The following FRMD1 variants were observed in gnomAD, a reference collection of about 807,000 sequenced individuals.
The protein encoded by FRMD1 is FERM domain containing 1, also known as FERM domain-containing protein 1.
In FRMD1, 51 loss-of-function variants were observed where a neutral mutation model predicts 54.9. The ratio of observed to expected loss-of-function variants is 0.93; its 90% CI spans 0.74 to 1.17. FRMD1 has a LOEUF of 1.17. FRMD1 is among the 50% of genes most tolerant of loss of function. FRMD1 has a pLI of 0.00. For missense variants in FRMD1, 729 were observed against 743.0 expected, an observed-to-expected ratio of 0.98 and a Z score of 0.22; for synonymous variants, 324 against 306.4, an observed-to-expected ratio of 1.06 and a Z score of -0.60.
chr6:168,076,561 G>T (rs537634479), intron 1 of FRMD1, among the ~76,000 whole-genome samples: 3 of 152,150 alleles, frequency 2.0e-5, no homozygotes, highest in Admixed American at 6.5e-5. Context: ...TTCCCCCTTC[G>T]CTGGGCACTC....
upstream of FRMD1, among the ~76,000 whole-genome samples, chr6:168,080,860 T>C (rs1800809682): frequency 1.3e-5 from 2 of 151,744 alleles, no homozygotes; most frequent in South Asian, 4.2e-4. Context: ...TGGGCGCTGG[T>C]GTGTGCGGGT....
chr6:168,061,856 G>A lies in FRMD1; in HGVS notation c.996C>T (p.Leu332=), dbSNP rs901072298. ...GCTGTTGCAGAGTGGGCCGCACGCGGAGGTGGAGCTGGTGGCTGGCGCGCA... is the reference window on the plus strand; with the variant it reads ...GCTGTTGCAGAGTGGGCCGCACGCGAAGGTGGAGCTGGTGGCTGGCGCGCA... The part of the protein sequence containing the change: ...HLLRASHQLH[L]RVRPTLQQLR... Residue 332 remains leucine (L), a synonymous_variant, in exon 8 of 11, where the codon CTC becomes CTT. Transcript: ENST00000283309. 2 of 1,579,450 alleles carry A rather than the reference G, an allele frequency of 1.3e-6. No individual in the cohort carries two copies. The highest frequency in any genetic ancestry group is 1.3e-5 in the African/African-American group (1 of 74,128).
chr6:168,077,156 C>T (rs1255751224), intron 1 of FRMD1, among the ~76,000 whole-genome samples: 1 of 152,042 alleles, frequency 6.6e-6, no homozygotes, highest in African/African-American at 2.4e-5. Context: ...GGTTCCTCTC[C>T]TACTGCAGAC....
At chr6:168,074,284 C>G (rs1157471299) in intron 2 of FRMD1, among the ~76,000 whole-genome samples, 1 of 152,178 alleles carries the variant, frequency 6.6e-6, no homozygotes, top group Non-Finnish European at 1.5e-5. Flanking sequence ...TCACATAGAT[C>G]CAGGGTCCTG....
intron 1 of FRMD1, among the ~76,000 whole-genome samples, 198 bp from the exon 2 acceptor site, chr6:168,075,533 G>T (rs1319642356): frequency 6.6e-6 from 1 of 152,030 alleles, no homozygotes; most frequent in Non-Finnish European, 1.5e-5. Context: ...TGAGTGCCGG[G>T]AAGTGAGGGT....
At chr6:168,062,862 GGGCTCTGTGA>G (rs757658716) in intron 7 of FRMD1, 22 bp downstream of exon 7, 1 of 1,609,308 alleles carries the variant, frequency 6.2e-7, no homozygotes, top group Non-Finnish European at 8.5e-7. Context: ...GCAGGACGAG[GGGCTCTGTGA>G]GGCTGGAGCC....
At chr6:168,065,305 C>A (rs908532160) in intron 4 of FRMD1, 2 of 1,286,628 alleles carry the variant, frequency 1.6e-6, no homozygotes, top group Non-Finnish European at 9.8e-7. Context: ...CTCCACCTGC[C>A]GAGGTCCCAC....
At chr6:168,071,930 T>C (rs1800326860) in intron 2 of FRMD1, among the ~76,000 whole-genome samples, 1 of 152,132 alleles carries the variant, frequency 6.6e-6, no homozygotes, top group Non-Finnish European at 1.5e-5. Flanking sequence ...CTCCCGGGCC[T>C]CCCCACTGCT....
chr6:168,056,839 T>C lies in FRMD1; in HGVS notation c.*258A>G. ...CTCTGGACACTTGACAGCCAGACCT[T>C]GAACTGGCTCCCTGAGACCCTGAGG... On this transcript the variant is annotated 3_prime_UTR_variant, in exon 11 of 11. Coordinates refer to ENST00000283309, the MANE Select transcript of FRMD1 (RefSeq NM_024919.6). The C allele has an allele frequency of 2.9e-6, 1 of 347,096 alleles. No individual in the cohort carries two copies. Among genetic ancestry groups the C allele is most frequent in the Non-Finnish European group, 5.2e-6 (1 of 193,514 alleles). The allele number at this position is 347,096 out of a possible 1,614,324, so 21.5% of individuals were successfully genotyped here. A position where few individuals can be genotyped will look rare whatever the true frequency, so the allele number is the denominator to read the frequency against.
At chr6:168,062,602 A>C in intron 7 of FRMD1, 4 of 1,459,230 alleles carry the variant, frequency 2.7e-6, no homozygotes, top group Non-Finnish European at 3.7e-6. Context: ...AATTGTCCAG[A>C]AAATGCCCCG....
chr6:168,063,320 T>C (rs1293465388), intron 6 of FRMD1, among the ~76,000 whole-genome samples: 2 of 147,820 alleles, frequency 1.4e-5, no homozygotes, highest in Non-Finnish European at 3.0e-5. Flanking sequence ...CCCGGGGTCC[T>C]GGTCCCACTC....
In FRMD1 at chr6:168,055,700, G is replaced by A. The variant is rs1263865331; in HGVS notation, c.*1397C>T. The A allele has an allele frequency of 1.3e-5, 2 of 152,296 alleles. No individual in the cohort carries two copies. The highest frequency in any genetic ancestry group is 3.9e-4 in the East Asian group (2 of 5,144). 9.4% of individuals were successfully genotyped at this position (152,296 alleles called of 1,614,324 possible). On this transcript the variant is annotated 3_prime_UTR_variant, in exon 11 of 11. Transcript: ENST00000283309. The stretch of plus-strand genomic sequence containing the variant: ...CTTGCCCTCGGCAGCACTGGGGCTT[G>A]TGGCCATCTACAGAACGCAGCCTTC...
At chr6:168,091,317 TCTGCTCTCTGTGCCCCAAAA>T (rs1253765698) in intron 1 of FRMD1, among the ~76,000 whole-genome samples, 1 of 152,224 alleles carries the variant, frequency 6.6e-6, no homozygotes, top group Non-Finnish European at 1.5e-5. Context: ...TTCCACGGAC[TCTGCTCTCTGTGCCCCAAAA>T]CTGCTCCAGC....
In FRMD1 at chr6:168,060,184, G is replaced by T. The variant is rs1583167978; in HGVS notation, c.1342+577C>A. Among the ~76,000 whole-genome samples, 5 of 101,678 alleles carry T rather than the reference G, an allele frequency of 4.9e-5. No individual in the cohort carries two copies. The South Asian group carries it at 2.3e-3, about 46-fold the overall frequency. The allele number at this position is 101,678 out of a possible 152,430, so 66.7% of individuals were successfully genotyped here. A position where few individuals can be genotyped will look rare whatever the true frequency, so the allele number is the denominator to read the frequency against. On this transcript the variant is annotated intron_variant, in intron 9 of 10. Coordinates refer to ENST00000283309, the MANE Select transcript of FRMD1 (RefSeq NM_024919.6). The stretch of plus-strand genomic sequence containing the variant: ...TGAGGGGACTTCTTAGGAATGGGGG[G>T]CTTCCTGGAAGTGGGGGGCTTCCTA...
intron 9 of FRMD1, among the ~76,000 whole-genome samples, chr6:168,060,514 G>T (rs1043472421): frequency 6.6e-6 from 1 of 152,160 alleles, no homozygotes; most frequent in Admixed American, 6.5e-5. Flanking sequence ...GCCTGCAGCT[G>T]CCCCTTGGCA....
At chr6:168,061,115 G>A in intron 8 of FRMD1, 58 bp from the exon 9 acceptor site, 1 of 1,526,010 alleles carries the variant, frequency 6.6e-7, no homozygotes, top group Non-Finnish European at 8.9e-7. Flanking sequence ...CCCTGCTGAT[G>A]CAGGAGGAAG....
chr6:168,076,755 T>C (rs1800612276), intron 1 of FRMD1, among the ~76,000 whole-genome samples: 2 of 152,356 alleles, frequency 1.3e-5, no homozygotes, highest in Non-Finnish European at 1.5e-5. Flanking sequence ...CTGCTTAACT[T>C]GGTGAGGGGC....
chr6:168,068,445 G>A (rs1800150545), intron 2 of FRMD1, among the ~76,000 whole-genome samples: 1 of 152,134 alleles, frequency 6.6e-6, no homozygotes, highest in Admixed American at 6.5e-5. Context: ...AAAACCCGGG[G>A]ATGGTGTAGA....
At chr6:168,083,214 C>T (rs1241181385), upstream of FRMD1, among the ~76,000 whole-genome samples, 1 of 152,222 alleles carries the variant, frequency 6.6e-6, no homozygotes, top group Non-Finnish European at 1.5e-5. Context: ...GCCCATCACC[C>T]GTCTCTGTGG....
Sources: allele counts gnomAD v4.1 joint callset (sites outside exome capture counted in the v4.1 genomes callset), GRCh38; gene constraint gnomAD v4.1.1; transcripts MANE v1.5; gene names NCBI Gene and HGNC (gene_info 2026-07-23, HGNC 2026-07-21).